SCAI: variants seen among roughly 807,000 people sequenced by gnomAD.
SCAI encodes the protein suppressor of cancer cell invasion.
Under a neutral mutation model 92.2 loss-of-function variants are expected in SCAI, and 24 were observed. The ratio of observed to expected loss-of-function variants is 0.26; its 90% CI spans 0.19 to 0.37. The LOEUF is 0.37. Ranked by LOEUF, SCAI falls within the 10% of genes least tolerant of loss-of-function variation. SCAI has a pLI of 1.00. For synonymous variants in SCAI, 261 were observed against 258.6 expected (o/e 1.01, Z -0.09); for missense variants, 450 against 736.2 (o/e 0.61, Z 4.50).
At chr9:125,132,816 T>G (rs1015949361) in intron 2 of SCAI, among the ~76,000 whole-genome samples, 1 of 151,486 alleles carries the variant, frequency 6.6e-6, no homozygotes, top group Non-Finnish European at 1.5e-5. Context: ...AAAATACAAA[T>G]TAGCCAGGCA....
chr9:125,097,642 A>G (rs2131207292), intron 2 of SCAI, among the ~76,000 whole-genome samples: 1 of 151,840 alleles, frequency 6.6e-6, no homozygotes, highest in East Asian at 1.9e-4. Context: ...CAGTTTTGTG[A>G]TTTAAAAAGG....
intron 2 of SCAI, among the ~76,000 whole-genome samples, chr9:125,079,638 T>C (rs956127164): frequency 5.3e-5 from 8 of 152,152 alleles, no homozygotes; most frequent in Admixed American, 2.0e-4. Context: ...TTCCCAGTCT[T>C]TGAGTCTGTA....
intron 17 of SCAI, among the ~76,000 whole-genome samples, chr9:124,959,475 T>TATATATACACACACAC (rs1831391205): frequency 1.9e-5 from 2 of 104,578 alleles, no homozygotes; most frequent in African/African-American, 3.7e-5. Flanking sequence ...TATATATATA[T>TATATATACACACACAC]ATATATATAC....
chr9:125,114,605 CT>C (rs1032929101), intron 2 of SCAI, among the ~76,000 whole-genome samples: 5 of 150,664 alleles, frequency 3.3e-5, no homozygotes, highest in Non-Finnish European at 5.9e-5. Context: ...CCTGAAGGAC[CT>C]TTTTTTTTAT....
chr9:124,982,509 TAAAAATAA>T (rs1200474938), intron 14 of SCAI, among the ~76,000 whole-genome samples: 2 of 151,568 alleles, frequency 1.3e-5, no homozygotes, highest in Non-Finnish European at 2.9e-5. Flanking sequence ...CCATCTCTAC[TAAAAATAA>T]AAAAATAAAA....
intron 2 of SCAI, among the ~76,000 whole-genome samples, chr9:125,064,448 GC>G (rs138564588): frequency 0.023 from 3,522 of 152,108 alleles, 144 homozygotes; most frequent in African/African-American, 0.081. Context: ...CTAATTCTAT[GC>G]TAGATATAAA....
rs746298814 is a variant in SCAI, at chr9:124,976,097, G to C, written c.1399+17C>G. 18 of 1,544,580 alleles carry C rather than the reference G, an allele frequency of 1.2e-5. No homozygotes were observed. The highest frequency in any genetic ancestry group is 1.5e-5 in the Non-Finnish European group (17 of 1,116,824). On this transcript the variant is annotated intron_variant, in intron 15 of 17. Coordinates refer to ENST00000336505, the MANE Select transcript of SCAI (RefSeq NM_001144877.3). ...TATTTGCAACCTATGGCTATACCAG[G>C]CAATGAGGGTACATACCTTGTAAAG...
chr9:125,005,415 TC>T (rs1832482911), intron 9 of SCAI, among the ~76,000 whole-genome samples: 1 of 152,160 alleles, frequency 6.6e-6, no homozygotes, highest in Non-Finnish European at 1.5e-5. Context: ...CACTGCAACC[TC>T]CGCCTCCCAC....
intron 15 of SCAI, among the ~76,000 whole-genome samples, chr9:124,974,618 A>T (rs1831721241): frequency 6.6e-6 from 1 of 152,216 alleles, no homozygotes; most frequent in African/African-American, 2.4e-5. Flanking sequence ...AATCCAAAAC[A>T]TTTCTCACAG....
chr9:125,090,139 A>C (rs1282459823), intron 2 of SCAI, among the ~76,000 whole-genome samples: 2 of 152,248 alleles, frequency 1.3e-5, no homozygotes, highest in Non-Finnish European at 2.9e-5. Context: ...CTTCAGCACA[A>C]TAGTATACAT....
intron 2 of SCAI, among the ~76,000 whole-genome samples, chr9:125,117,827 CACT>C (rs1047244875): frequency 1.3e-5 from 2 of 152,094 alleles, no homozygotes; most frequent in African/African-American, 4.8e-5. Flanking sequence ...ATTTCAATGT[CACT>C]AGTCAGTAAT....
At chr9:124,974,099 C>G in intron 15 of SCAI, 1 of 292,040 alleles carries the variant, frequency 3.4e-6, no homozygotes, top group Non-Finnish European at 6.9e-6. Context: ...CTATCTGCCA[C>G]AAGACATTTG....
intron 14 of SCAI, among the ~76,000 whole-genome samples, chr9:124,984,804 C>A (rs770562193): frequency 6.6e-6 from 1 of 152,066 alleles, no homozygotes; most frequent in East Asian, 1.9e-4. Context: ...GTTGTCAACA[C>A]AGAAACAGCA....
At chr9:125,116,542 T>G (rs751092413) in intron 2 of SCAI, among the ~76,000 whole-genome samples, 1 of 152,144 alleles carries the variant, frequency 6.6e-6, no homozygotes, top group Non-Finnish European at 1.5e-5. Context: ...TTTTAAGATG[T>G]TTAAATTTTT....
intron 9 of SCAI, among the ~76,000 whole-genome samples, chr9:125,011,476 T>A (rs1832638725): frequency 1.3e-5 from 2 of 151,794 alleles, no homozygotes. Context: ...GAAGGGAAGT[T>A]TAGAGAAAAA....
At chr9:125,069,565 G>A (rs550519677) in intron 2 of SCAI, among the ~76,000 whole-genome samples, 88 of 147,730 alleles carry the variant, frequency 6.0e-4, no homozygotes, top group African/African-American at 1.9e-3. Flanking sequence ...TGATCCGCCC[G>A]CCTCAGCCTC....
intron 3 of SCAI, among the ~76,000 whole-genome samples, chr9:125,046,659 T>G (rs1028202373): frequency 6.7e-6 from 1 of 149,520 alleles, no homozygotes; most frequent in Non-Finnish European, 1.5e-5. Context: ...AAAGAACTTA[T>G]TCATGTAACC....
intron 2 of SCAI, among the ~76,000 whole-genome samples, chr9:125,131,419 A>G (rs1328972323): frequency 6.6e-6 from 1 of 151,498 alleles, no homozygotes; most frequent in Non-Finnish European, 1.5e-5. Flanking sequence ...AAAAAAAAAA[A>G]AAAAGAAAAA....
At chr9:125,103,368 T>C (rs901136993) in intron 2 of SCAI, among the ~76,000 whole-genome samples, 1 of 152,178 alleles carries the variant, frequency 6.6e-6, no homozygotes, top group African/African-American at 2.4e-5. Flanking sequence ...AGGAATTCCC[T>C]ATTTAACTCT....
Sources: gnomAD v4.1 joint callset for allele counts (sites outside exome capture counted in the v4.1 genomes callset) on GRCh38, gnomAD v4.1.1 for gene constraint, MANE v1.5 for transcripts, NCBI Gene and HGNC (gene_info 2026-07-23, HGNC 2026-07-21) for gene names.